The following TMTC2 variants were observed in gnomAD, a reference collection of about 807,000 sequenced individuals.
TMTC2 encodes transmembrane O-mannosyltransferase targeting cadherins 2.
TMTC2 carries 43 observed loss-of-function variants against 82.4 expected under a neutral mutation model. That is an observed-to-expected ratio of 0.52 (90% confidence interval 0.41 to 0.67). The LOEUF (loss-of-function observed/expected upper bound fraction) is 0.67, where lower values mean the gene tolerates loss of function less well. Ranked by LOEUF, TMTC2 falls within the 30% of genes least tolerant of loss-of-function variation. TMTC2 has a pLI of 0.00. For missense variants in TMTC2, 919 were observed against 1,012.4 expected (o/e 0.91, Z 1.25); for synonymous variants, 408 against 381.9 (o/e 1.07, Z -0.80).
At chr12:82,906,160 A>G (rs992538649) in intron 3 of TMTC2, among the ~76,000 whole-genome samples, 3 of 152,126 alleles carry the variant, frequency 2.0e-5, no homozygotes, top group Non-Finnish European at 2.9e-5. Flanking sequence ...AAGCCATGTA[A>G]AAATTGACTA....
At chr12:82,829,211 T>G (rs927855578) in intron 1 of TMTC2, among the ~76,000 whole-genome samples, 1 of 152,196 alleles carries the variant, frequency 6.6e-6, no homozygotes, top group Non-Finnish European at 1.5e-5. Flanking sequence ...TTACAAAGCT[T>G]TTCAGAGTCC....
chr12:82,852,998 G>A (rs1871062550), intron 1 of TMTC2, among the ~76,000 whole-genome samples: 1 of 152,062 alleles, frequency 6.6e-6, no homozygotes, highest in African/African-American at 2.4e-5. Context: ...CCTTAGTATA[G>A]TATGTTTTTC....
At chr12:82,823,067 A>G (rs543950208) in intron 1 of TMTC2, among the ~76,000 whole-genome samples, 316 of 152,288 alleles carry the variant, frequency 2.1e-3, no homozygotes, top group South Asian at 3.1e-3. Flanking sequence ...TTACTTCAGG[A>G]TTCTTTGATG....
At chr12:82,717,384 C>A (rs1033340828) in intron 1 of TMTC2, among the ~76,000 whole-genome samples, 46 of 151,894 alleles carry the variant, frequency 3.0e-4, no homozygotes, top group Admixed American at 3.0e-3. Context: ...ACCACCATGC[C>A]CGGCTAAGTT....
intron 1 of TMTC2, among the ~76,000 whole-genome samples, chr12:82,817,294 T>C (rs1868799932): frequency 6.6e-6 from 1 of 152,072 alleles, no homozygotes; most frequent in African/African-American, 2.4e-5. Context: ...TCTGTGAAAG[T>C]CTATTGGTTT....
intron 9 of TMTC2, among the ~76,000 whole-genome samples, chr12:83,034,669 C>T (rs1471595188): frequency 6.6e-6 from 1 of 152,176 alleles, no homozygotes; most frequent in Non-Finnish European, 1.5e-5. Flanking sequence ...TGTTTGTTTA[C>T]TTCCTTTAGA....
In TMTC2 at chr12:83,133,542, G is replaced by A. The variant is rs1167707698; in HGVS notation, c.*1153G>A. On this transcript the variant is annotated 3_prime_UTR_variant, in exon 12 of 12. Transcript: ENST00000321196. ...TTATTTGAAGCTGCAATAGAGTGTA[G>A]CATTAGCCTGCATGTTTCTAGGTCT... 1 of 152,198 alleles carries A rather than the reference G, an allele frequency of 6.6e-6. No individual in the cohort carries two copies. Among genetic ancestry groups the A allele is most frequent in the Non-Finnish European group, 1.5e-5 (1 of 68,030 alleles). The allele number at this position is 152,198 out of a possible 1,614,324, so 9.4% of individuals were successfully genotyped here. A position where few individuals can be genotyped will look rare whatever the true frequency, so the allele number is the denominator to read the frequency against.
chr12:82,746,909 A>G (rs1875721991), intron 1 of TMTC2, among the ~76,000 whole-genome samples: 1 of 152,232 alleles, frequency 6.6e-6, no homozygotes, highest in South Asian at 2.1e-4. Context: ...GTAAGGAAAT[A>G]AGGACATCAG....
intron 1 of TMTC2, among the ~76,000 whole-genome samples, chr12:82,701,989 G>A (rs1186207421): frequency 6.6e-6 from 1 of 152,038 alleles, no homozygotes; most frequent in Non-Finnish European, 1.5e-5. Flanking sequence ...AGGCAATAAG[G>A]CTTTCTCTTT....
rs553165012 is a variant in TMTC2 at position 82,890,749 on chromosome 12, G to A, written c.655-5069G>A. On this transcript the variant is annotated intron_variant, in intron 2 of 11. Transcript: ENST00000321196. ...TCAAAGTGGTTTTCTGGACAGAGTA[G>A]TAGAATGTGTGAAGCTCCAAGAACA... Among the ~76,000 whole-genome samples, 274 of 152,256 alleles carry A rather than the reference G, an allele frequency of 1.8e-3. 1 individual carries two copies. The highest frequency in any genetic ancestry group is 6.4e-3 in the African/African-American group (265 of 41,544).
intron 1 of TMTC2, among the ~76,000 whole-genome samples, chr12:82,718,501 A>C (rs1016298842): frequency 2.9e-4 from 44 of 152,212 alleles, no homozygotes; most frequent in African/African-American, 1.1e-3. Context: ...CAAATCTATT[A>C]AGTGACGGAG....
intron 4 of TMTC2, among the ~76,000 whole-genome samples, chr12:82,948,498 T>C (rs1348771854): frequency 6.6e-6 from 1 of 152,236 alleles, no homozygotes; most frequent in Non-Finnish European, 1.5e-5. Context: ...TATATATAGC[T>C]TCAGACTTTC....
intron 11 of TMTC2, among the ~76,000 whole-genome samples, chr12:83,080,603 T>C (rs1883432602): frequency 6.6e-6 from 1 of 152,164 alleles, no homozygotes; most frequent in African/African-American, 2.4e-5. Flanking sequence ...AGAAACAGAA[T>C]GCAAACCCCA....
At chr12:82,881,543 C>T (rs1872823490) in intron 2 of TMTC2, among the ~76,000 whole-genome samples, 1 of 152,150 alleles carries the variant, frequency 6.6e-6, no homozygotes, top group Non-Finnish European at 1.5e-5. Flanking sequence ...GGCAAGAAGA[C>T]GTTTTTGGAG....
intron 1 of TMTC2, among the ~76,000 whole-genome samples, chr12:82,695,332 T>A (rs547687337): frequency 6.6e-6 from 1 of 152,344 alleles, no homozygotes; most frequent in East Asian, 1.9e-4. Context: ...TTTTGGTTGC[T>A]TATATGTATT....
rs1273750179 is a variant in TMTC2 at position 82,937,772 on chromosome 12, A to ACG, written c.1598+7227_1598+7228insCG. ...TGTGTATATATATATATATATATAT[A>ACG]TATATATATATATATATATATATAC... is the stretch of plus-strand genomic sequence containing the variant. On this transcript the variant is annotated intron_variant, in intron 4 of 11. Transcript: ENST00000321196. 2.9e-3 allele frequency among the ~76,000 whole-genome samples: 65 copies of ACG among 22,696 alleles called. 1 individual carries two copies. Among genetic ancestry groups the ACG allele is most frequent in the African/African-American group, 8.7e-3 (63 of 7,232 alleles). The allele number at this position is 22,696 out of a possible 152,430, so 14.9% of individuals were successfully genotyped here. A position where few individuals can be genotyped will look rare whatever the true frequency, so the allele number is the denominator to read the frequency against.
chr12:82,827,379 C>A (rs1869474089), intron 1 of TMTC2, among the ~76,000 whole-genome samples: 1 of 152,174 alleles, frequency 6.6e-6, no homozygotes, highest in Non-Finnish European at 1.5e-5. Flanking sequence ...AAGGAAATGA[C>A]CTGAGTTCAT....
intron 1 of TMTC2, among the ~76,000 whole-genome samples, chr12:82,806,203 T>A (rs1879234022): frequency 6.7e-6 from 1 of 149,790 alleles, no homozygotes; most frequent in South Asian, 2.1e-4. Context: ...GACAAATGAT[T>A]CAGGAAATTC....
chr12:82,788,213 A>G (rs7957412), intron 1 of TMTC2, among the ~76,000 whole-genome samples: 18,590 of 152,042 alleles, frequency 0.12, 1,942 homozygotes, highest in African/African-American at 0.28. Flanking sequence ...CTTTTATTTT[A>G]GGGGTAAGTT....
Sources: allele counts gnomAD v4.1 joint callset (sites outside exome capture counted in the v4.1 genomes callset), GRCh38; gene constraint gnomAD v4.1.1; transcripts MANE v1.5; gene names NCBI Gene and HGNC (gene_info 2026-07-23, HGNC 2026-07-21).